Variants in PIP5K1B observed in about 807,000 individuals in gnomAD.
PIP5K1B encodes phosphatidylinositol-4-phosphate 5-kinase type 1 beta, also known as phosphatidylinositol 4-phosphate 5-kinase type-1 beta.
Under a neutral mutation model 67.0 loss-of-function variants are expected in PIP5K1B, and 42 were observed. The observed-to-expected ratio is 0.63, with a 90% CI of 0.49 to 0.81. PIP5K1B has a LOEUF of 0.81. PIP5K1B is among the 30% of genes least tolerant of loss of function. PIP5K1B has a pLI of 0.00. For synonymous variants in PIP5K1B, 214 were observed against 231.4 expected (o/e 0.92, Z 0.68); for missense variants, 459 against 646.3 (o/e 0.71, Z 3.14).
intron 8 of PIP5K1B, among the ~76,000 whole-genome samples, chr9:68,916,513 A>G (rs1162101589): frequency 6.6e-6 from 1 of 152,142 alleles, no homozygotes; most frequent in East Asian, 1.9e-4. Context: ...AACATGAAGT[A>G]CTATGCTTTG....
intron 5 of PIP5K1B, 119 bp from the exon 6 acceptor site, chr9:68,876,557 AG>A: frequency 1.5e-6 from 1 of 655,242 alleles, no homozygotes. Context: ...ACCCGCTCTC[AG>A]GGGATGATTT....
intron 8 of PIP5K1B, among the ~76,000 whole-genome samples, 190 bp from the exon 9 acceptor site, chr9:68,917,358 G>A (rs1329354684): frequency 6.6e-6 from 1 of 152,196 alleles, no homozygotes; most frequent in African/African-American, 2.4e-5. Context: ...GAGCCATTGT[G>A]ATAATCCTTC....
intron 3 of PIP5K1B, among the ~76,000 whole-genome samples, chr9:68,819,015 T>G (rs1489115144): frequency 2.0e-5 from 3 of 152,200 alleles, no homozygotes; most frequent in East Asian, 1.9e-4. Context: ...AGAGACGATG[T>G]CTCGCTGTGT....
chr9:68,810,462 T>C (rs1475061538), intron 2 of PIP5K1B, among the ~76,000 whole-genome samples: 1 of 152,260 alleles, frequency 6.6e-6, no homozygotes, highest in Admixed American at 6.5e-5. Context: ...CAGTGTTTAA[T>C]AAAGTGTTTG....
chr9:68,947,349 C>T (rs907282363), intron 14 of PIP5K1B, among the ~76,000 whole-genome samples: 23 of 152,178 alleles, frequency 1.5e-4, no homozygotes, highest in Admixed American at 6.5e-5. Flanking sequence ...AACATAGCCA[C>T]CTCCAGAGAC....
intron 1 of PIP5K1B, among the ~76,000 whole-genome samples, chr9:68,720,655 C>G (rs767415422): frequency 3.9e-5 from 6 of 152,148 alleles, no homozygotes; most frequent in Non-Finnish European, 8.8e-5. Flanking sequence ...GTAGAAACTT[C>G]CCAAATAACT....
At position 68,780,389 on chromosome 9, in the gene PIP5K1B, C is replaced by T. The variant is rs35278692; in HGVS notation, c.-86+37732C>T. ...GCCGCCACGGCCTGCTGCTGCCGGC[C>T]TCCCCTGTCCGCATGCACAGCAGCC... On this transcript the variant is annotated intron_variant, in intron 2 of 15. Transcript: ENST00000265382. The T allele has an allele frequency of 8.1e-6, 13 of 1,613,590 alleles. No homozygotes were observed. In the East Asian group the frequency reaches 1.8e-4, roughly 22 times the overall value.
chr9:68,863,970 A>G lies in PIP5K1B; in HGVS notation c.200+3A>G. The G allele has an allele frequency of 6.2e-7, 1 of 1,613,132 alleles. No homozygotes were observed. The highest frequency in any genetic ancestry group is 8.5e-7 in the Non-Finnish European group (1 of 1,179,568). On this transcript the variant is annotated splice_donor_region_variant and intron_variant, in intron 5 of 15. Coordinates refer to ENST00000265382, the MANE Select transcript of PIP5K1B (RefSeq NM_003558.4). ...GTGGAAAGTGTGTTCCTACCCAGGT[A>G]AGAACATTTTTATTTGTGATGATTT...
chr9:68,975,905 C>A (rs887587955), intron 14 of PIP5K1B, among the ~76,000 whole-genome samples: 17 of 152,156 alleles, frequency 1.1e-4, no homozygotes, highest in Non-Finnish European at 1.9e-4. Flanking sequence ...TAGGACACAC[C>A]CTATTCCACT....
At chr9:68,985,622 G>C (rs1830066591) in intron 14 of PIP5K1B, among the ~76,000 whole-genome samples, 1 of 152,202 alleles carries the variant, frequency 6.6e-6, no homozygotes, top group Non-Finnish European at 1.5e-5. Flanking sequence ...GTAACCTCTG[G>C]GCAGGACATC....
chr9:68,785,880 C>G (rs992793516), intron 2 of PIP5K1B, among the ~76,000 whole-genome samples: 11 of 152,206 alleles, frequency 7.2e-5, no homozygotes, highest in African/African-American at 2.7e-4. Context: ...TCCTTCAAAG[C>G]AGGCTATCCT....
chr9:68,766,826 G>A (rs1830449680), intron 2 of PIP5K1B, among the ~76,000 whole-genome samples: 1 of 152,006 alleles, frequency 6.6e-6, no homozygotes, highest in Admixed American at 6.6e-5. Flanking sequence ...ATATTGTTAG[G>A]TACTACATGA....
intron 2 of PIP5K1B, among the ~76,000 whole-genome samples, chr9:68,748,722 A>G (rs1466188471): frequency 6.7e-6 from 1 of 150,172 alleles, no homozygotes; most frequent in Non-Finnish European, 1.5e-5. Flanking sequence ...CCCAGGTTCA[A>G]GCGATTCTCC....
intron 5 of PIP5K1B, among the ~76,000 whole-genome samples, chr9:68,872,402 T>A (rs1480592165): frequency 2.6e-5 from 4 of 152,236 alleles, no homozygotes; most frequent in African/African-American, 9.6e-5. Flanking sequence ...AGCTGGTATT[T>A]GTTATTCATT....
chr9:68,816,372 G>T (rs781523587), intron 2 of PIP5K1B, among the ~76,000 whole-genome samples: 1 of 151,948 alleles, frequency 6.6e-6, no homozygotes, highest in Non-Finnish European at 1.5e-5. Flanking sequence ...CAGGTGATCC[G>T]CCCACCTCCG....
intron 2 of PIP5K1B, among the ~76,000 whole-genome samples, chr9:68,806,688 T>C (rs968578512): frequency 3.3e-5 from 5 of 152,162 alleles, no homozygotes; most frequent in Non-Finnish European, 7.3e-5. Flanking sequence ...CCACGCCTGC[T>C]CCTTCCCTCC....
intron 4 of PIP5K1B, among the ~76,000 whole-genome samples, chr9:68,851,346 C>T (rs1323649275): frequency 2.0e-5 from 3 of 152,142 alleles, no homozygotes; most frequent in Non-Finnish European, 4.4e-5. Flanking sequence ...TTGTTTAGTG[C>T]CTAGTGTGTC....
intron 14 of PIP5K1B, among the ~76,000 whole-genome samples, chr9:68,954,042 G>C (rs898664836): frequency 2.6e-5 from 4 of 151,768 alleles, no homozygotes; most frequent in African/African-American, 9.7e-5. Context: ...AATTGCTTCT[G>C]GTGTCCCTGG....
intron 8 of PIP5K1B, among the ~76,000 whole-genome samples, chr9:68,901,992 C>T (rs1186730983): frequency 2.0e-5 from 3 of 152,224 alleles, no homozygotes; most frequent in Admixed American, 6.5e-5. Context: ...AGATATCATA[C>T]ACCCTTCACT....
Sources: gnomAD v4.1 joint callset for allele counts (sites outside exome capture counted in the v4.1 genomes callset) on GRCh38, gnomAD v4.1.1 for gene constraint, MANE v1.5 for transcripts, NCBI Gene and HGNC (gene_info 2026-07-23, HGNC 2026-07-21) for gene names.